Variants in RPS6KA2 observed in about 807,000 individuals in gnomAD.
RPS6KA2 encodes the protein ribosomal protein S6 kinase A2, also known as ribosomal protein S6 kinase alpha-2.
Under a neutral mutation model 91.8 loss-of-function variants are expected in RPS6KA2, and 42 were observed. That is an observed-to-expected ratio of 0.46 (90% CI 0.36 to 0.59). The LOEUF (loss-of-function observed/expected upper bound fraction) is 0.59, where lower values mean the gene tolerates loss of function less well. RPS6KA2 is among the 20% of genes least tolerant of loss of function. RPS6KA2 has a pLI of 0.00. For synonymous variants in RPS6KA2, 414 were observed against 393.6 expected (o/e 1.05, Z -0.61); for missense variants, 798 against 978.5 (o/e 0.82, Z 2.46).
chr6:166,688,400 C>T (rs1254406769), intron 2 of RPS6KA2, among the ~76,000 whole-genome samples: 1 of 152,212 alleles, frequency 6.6e-6, no homozygotes, highest in Non-Finnish European at 1.5e-5. Context: ...TGCTCATCCC[C>T]GGCCTTGCCA....
At chr6:166,759,757 G>A (rs961372398) in intron 2 of RPS6KA2, among the ~76,000 whole-genome samples, 4 of 152,206 alleles carry the variant, frequency 2.6e-5, no homozygotes, top group Non-Finnish European at 4.4e-5. Flanking sequence ...CACTGCTGGC[G>A]TCTTCTCATA....
In RPS6KA2 at chr6:166,759,297, C is replaced by T. The variant is rs145037266; in HGVS notation, c.123+98903G>A. Among the ~76,000 whole-genome samples, 118 of 152,298 alleles carry T rather than the reference C, an allele frequency of 7.7e-4. 1 individual carries two copies. The highest frequency in any genetic ancestry group is 8.4e-4 in the African/African-American group (35 of 41,558). On this transcript the variant is annotated intron_variant, in intron 2 of 21. Transcript: ENST00000503859. ...TGCCATACATCTGCCATTATATACA[C>T]ATTTTTTTCTATTCTGGAGCCGTTG...
At chr6:166,575,713 T>C (rs113309510) in intron 1 of RPS6KA2, among the ~76,000 whole-genome samples, 1 of 152,208 alleles carries the variant, frequency 6.6e-6, no homozygotes, top group Non-Finnish European at 1.5e-5. Context: ...AGGACACTAA[T>C]GGGTCCACTG....
chr6:166,652,096 T>G (rs891142779), intron 2 of RPS6KA2, among the ~76,000 whole-genome samples: 3 of 152,262 alleles, frequency 2.0e-5, no homozygotes, highest in Admixed American at 6.5e-5. Context: ...TACTGTTTTT[T>G]GAACATCTTC....
chr6:166,591,799 T>G (rs138721810), intron 1 of RPS6KA2, among the ~76,000 whole-genome samples: 2 of 152,324 alleles, frequency 1.3e-5, no homozygotes, highest in East Asian at 3.9e-4. Context: ...TAACCCAGCA[T>G]TTAGTTTTTA....
intron 2 of RPS6KA2, among the ~76,000 whole-genome samples, chr6:166,741,820 C>T (rs1163453730): frequency 1.3e-5 from 2 of 152,306 alleles, no homozygotes; most frequent in East Asian, 3.9e-4. Context: ...CGTACCAGCC[C>T]TGACAGCTGC....
rs1159512815 is a variant in RPS6KA2 at position 166,500,970 on chromosome 6, C to T, written c.567-46G>A. ...ACAGATGCTTTAGAAAGAGACCCAGCCTGCCGACGGGCACGCAGAGCTCAG... is the reference window on the plus strand; with the variant it reads ...ACAGATGCTTTAGAAAGAGACCCAGTCTGCCGACGGGCACGCAGAGCTCAG... On this transcript the variant is annotated intron_variant, in intron 6 of 20. Transcript: ENST00000265678. This position sits in a 1 kb window ranked among gnomAD's most constrained non-coding sequence, Gnocchi z 4.3. 6.3e-7 allele frequency: 1 copy of T among 1,587,788 alleles called. No homozygotes were observed.
At chr6:166,592,447 C>G (rs1785385317) in intron 1 of RPS6KA2, among the ~76,000 whole-genome samples, 1 of 152,158 alleles carries the variant, frequency 6.6e-6, no homozygotes, top group Non-Finnish European at 1.5e-5. Flanking sequence ...CATAAGGGAA[C>G]TAGGAGGTGA....
intron 10 of RPS6KA2, among the ~76,000 whole-genome samples, chr6:166,478,187 G>A (rs188253512): frequency 2.0e-5 from 3 of 152,346 alleles, no homozygotes; most frequent in South Asian, 4.1e-4. Flanking sequence ...AGTGGCAGAG[G>A]TGGGGTCGCG....
rs536392499 is a variant in RPS6KA2 at position 166,448,143 on chromosome 6, T to C, written c.1332+581A>G. Among the ~76,000 whole-genome samples the C allele has an allele frequency of 9.2e-5, 14 of 152,364 alleles. No individual in the cohort carries two copies. In the South Asian group the frequency reaches 2.3e-3, roughly 25 times the overall value. Reference sequence around the variant, plus strand: ...TGGGTTACAAAGAATTGTTTCTCTATACTGTTCTTGACGGTTGGGAGTAAA... The same window carrying C: ...TGGGTTACAAAGAATTGTTTCTCTACACTGTTCTTGACGGTTGGGAGTAAA... On this transcript the variant is annotated intron_variant, in intron 14 of 20. Coordinates refer to ENST00000265678, the MANE Select transcript of RPS6KA2 (RefSeq NM_021135.6). This position sits in a 1 kb window ranked among gnomAD's most constrained non-coding sequence, Gnocchi z 4.7.
At position 166,410,931 on chromosome 6, in the gene RPS6KA2, C is replaced by G. The variant is rs1778278221; in HGVS notation, c.*1831G>C. The stretch of plus-strand genomic sequence containing the variant: ...GGATTATCCACTTCTTCCTAAGTTT[C>G]TAAAAAGAAGTGAAATAATTAAGAC... On this transcript the variant is annotated 3_prime_UTR_variant, in exon 21 of 21. Coordinates refer to ENST00000265678, the MANE Select transcript of RPS6KA2 (RefSeq NM_021135.6). 1 of 152,032 alleles carries G rather than the reference C, an allele frequency of 6.6e-6. No homozygotes were observed. Among genetic ancestry groups the G allele is most frequent in the Non-Finnish European group, 1.5e-5 (1 of 68,018 alleles). 9.4% of individuals were successfully genotyped at this position (152,032 alleles called of 1,614,324 possible). A position where few individuals can be genotyped will look rare whatever the true frequency, so the allele number is the denominator to read the frequency against.
intron 2 of RPS6KA2, among the ~76,000 whole-genome samples, chr6:166,671,343 C>G (rs564690203): frequency 2.6e-5 from 4 of 152,160 alleles, no homozygotes; most frequent in Non-Finnish European, 4.4e-5. Flanking sequence ...AAACAAGACA[C>G]GCCAACCTGT....
At chr6:166,571,835 T>G (rs1268505603) in intron 1 of RPS6KA2, among the ~76,000 whole-genome samples, 1 of 152,138 alleles carries the variant, frequency 6.6e-6, no homozygotes, top group African/African-American at 2.4e-5. Flanking sequence ...GTATCAAAAA[T>G]CATAATCTTG....
At chr6:166,848,800 G>C (rs1336174882) in intron 2 of RPS6KA2, among the ~76,000 whole-genome samples, 1 of 152,132 alleles carries the variant, frequency 6.6e-6, no homozygotes, top group Non-Finnish European at 1.5e-5. Context: ...ACTGGGTACA[G>C]TGTACACTGC....
chr6:166,586,493 G>C, intron 1 of RPS6KA2: 2 of 1,592,588 alleles, frequency 1.3e-6, no homozygotes, highest in South Asian at 1.1e-5. Context: ...AAATCCCAAA[G>C]GTTTGAGGCA....
rs1156946060 is a variant in RPS6KA2 at position 166,409,726 on chromosome 6, C to T, written c.*3036G>A. The T allele has an allele frequency of 6.6e-6, 1 of 152,610 alleles. No homozygotes were observed. Among genetic ancestry groups the T allele is most frequent in the Non-Finnish European group, 1.5e-5 (1 of 68,042 alleles). 9.5% of individuals were successfully genotyped at this position (152,610 alleles called of 1,614,324 possible). ...TGACGCTTAGAAAGGTAGGAGGCAG[C>T]AAAACGTGTCAGAAATGAACGGAGT... On this transcript the variant is annotated 3_prime_UTR_variant, in exon 21 of 21. Coordinates refer to ENST00000265678, the MANE Select transcript of RPS6KA2 (RefSeq NM_021135.6).
At chr6:166,567,169 A>G (rs1300758878) in intron 1 of RPS6KA2, among the ~76,000 whole-genome samples, 7 of 152,086 alleles carry the variant, frequency 4.6e-5, no homozygotes, top group Admixed American at 4.6e-4. Flanking sequence ...CTACCCACAA[A>G]AGCACCCTTT....
In RPS6KA2 at chr6:166,418,104, AAT is replaced by A. The variant is rs2128439089; in HGVS notation, c.1938+119_1938+120del. ...GACTCCATTTCAAGAAAAAAAAAAA[AAT>A]ATGCTGAGGATAAAATACCTATACT... On this transcript the variant is annotated intron_variant, in intron 19 of 20. Coordinates refer to ENST00000265678, the MANE Select transcript of RPS6KA2 (RefSeq NM_021135.6). This position sits in a 1 kb window ranked among gnomAD's most constrained non-coding sequence, Gnocchi z 4.9. 16 of 717,234 alleles carry A rather than the reference AAT, an allele frequency of 2.2e-5. No individual in the cohort carries two copies. The highest frequency in any genetic ancestry group is 1.3e-4 in the African/African-American group (7 of 55,734). The allele number at this position is 717,234 out of a possible 1,614,324, so 44.4% of individuals were successfully genotyped here. A position where few individuals can be genotyped will look rare whatever the true frequency, so the allele number is the denominator to read the frequency against.
chr6:166,816,832 CAG>C (rs1249011014), intron 2 of RPS6KA2, among the ~76,000 whole-genome samples: 1 of 152,162 alleles, frequency 6.6e-6, no homozygotes, highest in Non-Finnish European at 1.5e-5. Context: ...CCTCCTAAGA[CAG>C]GGGAATTGTT....
Sources: gnomAD v4.1 joint callset for allele counts (sites outside exome capture counted in the v4.1 genomes callset) on GRCh38, gnomAD v4.1.1 for gene constraint, Gnocchi (gnomAD v3.1) non-coding constraint, MANE v1.5 for transcripts, NCBI Gene and HGNC (gene_info 2026-07-23, HGNC 2026-07-21) for gene names.